ATF6: variants seen among roughly 807,000 people sequenced by gnomAD.
The protein encoded by ATF6 is activating transcription factor 6.
Under a neutral mutation model 83.6 loss-of-function variants are expected in ATF6, and 53 were observed. That is an observed-to-expected ratio of 0.63 (90% CI 0.51 to 0.80). The LOEUF is 0.80. ATF6 is among the 30% of genes least tolerant of loss of function. The pLI is 0.00. For synonymous variants in ATF6, 288 were observed against 285.8 expected (o/e 1.01, Z -0.08); for missense variants, 744 against 797.9 (o/e 0.93, Z 0.81).
chr1:161,887,894 A>G (rs1687461157), intron 14 of ATF6, among the ~76,000 whole-genome samples: 1 of 152,222 alleles, frequency 6.6e-6, no homozygotes, highest in African/African-American at 2.4e-5. Context: ...ACTATACTCT[A>G]CACAGCTGTC....
intron 14 of ATF6, among the ~76,000 whole-genome samples, chr1:161,871,966 C>T (rs562247972): frequency 8.4e-4 from 127 of 151,480 alleles, no homozygotes; most frequent in Non-Finnish European, 1.2e-3. Context: ...GAAAAACAGC[C>T]ATAACAAAAA....
At chr1:161,825,720 C>T (rs1685879009) in intron 9 of ATF6, among the ~76,000 whole-genome samples, 1 of 152,130 alleles carries the variant, frequency 6.6e-6, no homozygotes, top group Non-Finnish European at 1.5e-5. Context: ...GGAAGCTCTC[C>T]AAATTCCATT....
At chr1:161,952,187 A>T (rs776026730) in intron 15 of ATF6, among the ~76,000 whole-genome samples, 18 of 152,044 alleles carry the variant, frequency 1.2e-4, no homozygotes, top group Non-Finnish European at 2.4e-4. Flanking sequence ...TCTTTTCTAC[A>T]TATAAGTCCC....
chr1:161,817,410 A>C (rs1685637424), intron 7 of ATF6, among the ~76,000 whole-genome samples: 1 of 152,236 alleles, frequency 6.6e-6, no homozygotes, highest in Non-Finnish European at 1.5e-5. Flanking sequence ...AAGAACACTA[A>C]AAATAAAAGT....
intron 9 of ATF6, among the ~76,000 whole-genome samples, chr1:161,827,279 G>A (rs926882262): frequency 2.6e-5 from 4 of 152,134 alleles, no homozygotes; most frequent in African/African-American, 9.7e-5. Context: ...TGGTCCGGGA[G>A]TCTGCCAGAG....
intron 7 of ATF6, among the ~76,000 whole-genome samples, chr1:161,804,009 C>G (rs1685219771): frequency 8.6e-6 from 1 of 116,238 alleles, no homozygotes; most frequent in African/African-American, 3.4e-5. Context: ...CACCCCACAA[C>G]AGTCCCCAGA....
chr1:161,790,195 A>G (rs1215442121), intron 4 of ATF6, among the ~76,000 whole-genome samples: 2 of 151,964 alleles, frequency 1.3e-5, no homozygotes, highest in Non-Finnish European at 2.9e-5. Flanking sequence ...GTTCAAATCT[A>G]TTTCTTCTTC....
chr1:161,927,907 A>C (rs2101899983), intron 15 of ATF6, among the ~76,000 whole-genome samples: 1 of 152,376 alleles, frequency 6.6e-6, no homozygotes, highest in East Asian at 1.9e-4. Context: ...TACAAGGTTT[A>C]AAGTATTTTG....
intron 7 of ATF6, among the ~76,000 whole-genome samples, chr1:161,804,578 T>C (rs1412236928): frequency 6.6e-6 from 1 of 152,138 alleles, no homozygotes; most frequent in Non-Finnish European, 1.5e-5. Flanking sequence ...AGAAGAGTTA[T>C]CTGGAACAGG....
intron 7 of ATF6, among the ~76,000 whole-genome samples, chr1:161,803,802 G>T (rs1685213404): frequency 6.6e-6 from 1 of 152,028 alleles, no homozygotes; most frequent in Non-Finnish European, 1.5e-5. Flanking sequence ...GGTTAAGAAT[G>T]ATGAAAAAGG....
intron 9 of ATF6, among the ~76,000 whole-genome samples, chr1:161,836,423 A>G (rs1005363358): frequency 6.6e-6 from 1 of 152,220 alleles, no homozygotes; most frequent in African/African-American, 2.4e-5. Context: ...TTTTGGCTAA[A>G]AGTACTTTCC....
At chr1:161,810,907 A>T (rs536720460) in intron 7 of ATF6, among the ~76,000 whole-genome samples, 3 of 152,160 alleles carry the variant, frequency 2.0e-5, no homozygotes, top group South Asian at 2.1e-4. Flanking sequence ...ATTTTTTTCA[A>T]GCTTCAGCCA....
At chr1:161,942,764 A>C (rs1295679024) in intron 15 of ATF6, among the ~76,000 whole-genome samples, 3 of 152,188 alleles carry the variant, frequency 2.0e-5, no homozygotes, top group African/African-American at 7.2e-5. Flanking sequence ...CCTTCCAATC[A>C]TGTCACATCT....
At position 161,960,936 on chromosome 1, in the gene ATF6, C is replaced by T. The variant is rs1421056831; in HGVS notation, c.*2282C>T. The T allele has an allele frequency of 6.6e-6, 1 of 152,190 alleles. No individual in the cohort carries two copies. The highest frequency in any genetic ancestry group is 1.9e-4 in the East Asian group (1 of 5,194). The allele number at this position is 152,190 out of a possible 1,614,324, so 9.4% of individuals were successfully genotyped here. ...TCATCCCCAAGATGCTAATCTTCTG[C>T]TGGAACTGTCATACGTTATCATGGT... On this transcript the variant is annotated 3_prime_UTR_variant, in exon 16 of 16. Coordinates refer to ENST00000367942, the MANE Select transcript of ATF6 (RefSeq NM_007348.4).
intron 15 of ATF6, among the ~76,000 whole-genome samples, chr1:161,955,770 C>G (rs957441651): frequency 6.6e-6 from 1 of 152,192 alleles, no homozygotes; most frequent in Non-Finnish European, 1.5e-5. Flanking sequence ...GAAGGAGCTT[C>G]CTGACTTCAG....
intron 15 of ATF6, among the ~76,000 whole-genome samples, chr1:161,937,504 C>A (rs1688560541): frequency 6.6e-6 from 1 of 151,970 alleles, no homozygotes; most frequent in Non-Finnish European, 1.5e-5. Flanking sequence ...ATATGAAAAT[C>A]AGCCTTTATG....
chr1:161,771,505 A>G (rs1332953294), intron 1 of ATF6, among the ~76,000 whole-genome samples: 1 of 152,114 alleles, frequency 6.6e-6, no homozygotes, highest in Non-Finnish European at 1.5e-5. Flanking sequence ...CTTCACTGCT[A>G]TTCTCCTTTC....
intron 14 of ATF6, among the ~76,000 whole-genome samples, chr1:161,903,482 G>A (rs749688944): frequency 6.6e-6 from 1 of 152,106 alleles, no homozygotes; most frequent in Non-Finnish European, 1.5e-5. Flanking sequence ...TGGAACAATG[G>A]CTCTCAACTA....
intron 7 of ATF6, among the ~76,000 whole-genome samples, chr1:161,810,219 G>A (rs1169906164): frequency 1.3e-5 from 2 of 152,172 alleles, no homozygotes; most frequent in African/African-American, 4.8e-5. Flanking sequence ...TTGTCTCATG[G>A]TTCTGCAGGC....
Sources: allele counts gnomAD v4.1 joint callset (sites outside exome capture counted in the v4.1 genomes callset), GRCh38; gene constraint gnomAD v4.1.1; transcripts MANE v1.5; gene names NCBI Gene and HGNC (gene_info 2026-07-23, HGNC 2026-07-21).